The following CORO2B variants were observed in gnomAD, a reference collection of about 807,000 sequenced individuals.
CORO2B encodes coronin 2B.
In CORO2B, 26 loss-of-function variants were observed where a neutral mutation model predicts 58.8. That is an observed-to-expected ratio of 0.44 (90% CI 0.32 to 0.61). The LOEUF (loss-of-function observed/expected upper bound fraction) is 0.61. CORO2B is among the 20% of genes least tolerant of loss of function. The pLI is 0.04. For missense variants in CORO2B, 460 were observed against 645.1 expected (o/e 0.71, Z 3.11); for synonymous variants, 242 against 253.8 (o/e 0.95, Z 0.44).
intron 1 of CORO2B, among the ~76,000 whole-genome samples, chr15:68,599,900 C>T (rs1055535876): frequency 2.0e-5 from 3 of 152,176 alleles, no homozygotes; most frequent in Admixed American, 6.5e-5. Context: ...TCCATGGCAA[C>T]GAGGATGCAT....
chr15:68,705,417 A>G (rs77239507), intron 3 of CORO2B, among the ~76,000 whole-genome samples: 4,084 of 147,132 alleles, frequency 0.028, 177 homozygotes, highest in African/African-American at 0.095. Flanking sequence ...TAGCCTGGGC[A>G]AAAGGTGAAA....
the CORO2B span, among the ~76,000 whole-genome samples, chr15:68,567,068 T>C: frequency 2.6e-5 from 4 of 152,202 alleles, no homozygotes; most frequent in Admixed American, 6.5e-5. Flanking sequence ...ATAAGACCTA[T>C]AGCACAGAGT....
In CORO2B at chr15:68,597,333, C is replaced by A. The variant is rs556918009; in HGVS notation, c.15+18056C>A. 3.9e-5 allele frequency among the ~76,000 whole-genome samples: 6 copies of A among 152,312 alleles called. No homozygotes were observed. In the South Asian group the frequency reaches 1.2e-3, roughly 32 times the overall value. Reference sequence around the variant, plus strand: ...TAGGACAGAATCACTAATGCTTATTCAGCGCTTACCATGTTCCAGGGGCAG... The same window carrying A: ...TAGGACAGAATCACTAATGCTTATTAAGCGCTTACCATGTTCCAGGGGCAG... On this transcript the variant is annotated intron_variant, in intron 1 of 11. Transcript: ENST00000261861.
intron 2 of CORO2B, among the ~76,000 whole-genome samples, chr15:68,660,065 T>A (rs1230161762): frequency 6.6e-6 from 1 of 152,160 alleles, no homozygotes; most frequent in Non-Finnish European, 1.5e-5. Flanking sequence ...CAGTGTAACT[T>A]TACAGAAATA....
intron 1 of CORO2B, among the ~76,000 whole-genome samples, chr15:68,592,111 CCTT>C (rs1408159466): frequency 6.6e-6 from 1 of 152,158 alleles, no homozygotes; most frequent in East Asian, 1.9e-4. Context: ...CAGTGTGTCT[CCTT>C]CTGCGCCGTG....
intron 1 of CORO2B, among the ~76,000 whole-genome samples, chr15:68,613,809 A>T (rs774091525): frequency 2.6e-5 from 4 of 152,016 alleles, no homozygotes; most frequent in Non-Finnish European, 5.9e-5. Flanking sequence ...GATGGCTGAA[A>T]CTCCTGAAAG....
intron 2 of CORO2B, among the ~76,000 whole-genome samples, chr15:68,646,629 A>C (rs1019600469): frequency 5.3e-5 from 8 of 152,196 alleles, no homozygotes; most frequent in African/African-American, 1.7e-4. Context: ...TGCCCTTGCC[A>C]GACTTGGGAC....
chr15:68,556,283 G>A, the CORO2B span, among the ~76,000 whole-genome samples: 66 of 152,310 alleles, frequency 4.3e-4, no homozygotes, highest in African/African-American at 1.6e-3. Context: ...TTGGAGCACC[G>A]GCCAGTGGCA....
intron 3 of CORO2B, among the ~76,000 whole-genome samples, chr15:68,702,821 C>CTTTTTCTT (rs1892685301): frequency 5.2e-5 from 5 of 96,256 alleles, no homozygotes; most frequent in Non-Finnish European, 9.6e-5. Flanking sequence ...TTTTCTTTTT[C>CTTTTTCTT]TTTTTTTTTT....
chr15:68,560,248 CTTTCTTT>C, the CORO2B span, among the ~76,000 whole-genome samples: 2 of 152,016 alleles, frequency 1.3e-5, no homozygotes, highest in Non-Finnish European at 2.9e-5. Flanking sequence ...CTTTCTTTCT[CTTTCTTT>C]TTTCTTTTTC....
chr15:68,641,360 A>G (rs145521599), intron 1 of CORO2B, among the ~76,000 whole-genome samples: 3 of 152,290 alleles, frequency 2.0e-5, no homozygotes, highest in African/African-American at 7.2e-5. Flanking sequence ...AGAGACCACA[A>G]GTGTGCCCAC....
intron 2 of CORO2B, among the ~76,000 whole-genome samples, chr15:68,692,640 T>G (rs1469607303): frequency 2.0e-5 from 3 of 149,846 alleles, no homozygotes; most frequent in Middle Eastern, 3.2e-3. Context: ...TCCTTTTTTT[T>G]TTGTTTTTTT....
the CORO2B span, among the ~76,000 whole-genome samples, chr15:68,522,973 C>A: frequency 6.6e-6 from 1 of 152,058 alleles, no homozygotes; most frequent in African/African-American, 2.4e-5. Flanking sequence ...ATAGAGGGTT[C>A]ATTCTATTCT....
At chr15:68,619,321 G>GC (rs1439696350) in intron 1 of CORO2B, among the ~76,000 whole-genome samples, 1 of 152,022 alleles carries the variant, frequency 6.6e-6, no homozygotes, top group African/African-American at 2.4e-5. Flanking sequence ...TTTTCATCCT[G>GC]CTGCAATGTA....
At chr15:68,685,714 G>T (rs563699030) in intron 2 of CORO2B, among the ~76,000 whole-genome samples, 1 of 152,182 alleles carries the variant, frequency 6.6e-6, no homozygotes, top group Admixed American at 6.5e-5. Context: ...AAATACCAAT[G>T]CCTGGCTCCT....
At chr15:68,613,234 TGA>T (rs1900280616) in intron 1 of CORO2B, among the ~76,000 whole-genome samples, 1 of 152,198 alleles carries the variant, frequency 6.6e-6, no homozygotes, top group South Asian at 2.1e-4. Flanking sequence ...TGATAAAAAC[TGA>T]GACTATTACT....
intron 1 of CORO2B, chr15:68,616,667 G>A: frequency 4.1e-6 from 4 of 964,498 alleles, no homozygotes; most frequent in Non-Finnish European, 4.9e-6. Context: ...GCAATCCCAT[G>A]TCATCTGCGA....
chr15:68,629,757 A>G (rs1900775951), intron 1 of CORO2B, among the ~76,000 whole-genome samples: 1 of 151,606 alleles, frequency 6.6e-6, no homozygotes, highest in African/African-American at 2.4e-5. Flanking sequence ...CTAATTGAGA[A>G]CCCTGACCTC....
chr15:68,614,907 A>C (rs969360873), intron 1 of CORO2B, among the ~76,000 whole-genome samples: 4 of 152,238 alleles, frequency 2.6e-5, no homozygotes, highest in African/African-American at 7.2e-5. Context: ...ATGCAGCAGC[A>C]GCTGGGACAA....
Sources: allele counts gnomAD v4.1 joint callset (sites outside exome capture counted in the v4.1 genomes callset), GRCh38; gene constraint gnomAD v4.1.1; transcripts MANE v1.5; gene names NCBI Gene and HGNC (gene_info 2026-07-23, HGNC 2026-07-21).